The following ANKS1B variants were observed in gnomAD, a reference collection of about 807,000 sequenced individuals.
The protein encoded by ANKS1B is ankyrin repeat and sterile alpha motif domain containing 1B.
In ANKS1B, 36 loss-of-function variants were observed where a neutral mutation model predicts 148.3. The ratio of observed to expected loss-of-function variants is 0.24; its 90% CI spans 0.19 to 0.32. The LOEUF is 0.32. Ranked by LOEUF, ANKS1B falls within the 10% of genes least tolerant of loss-of-function variation. The probability of loss-of-function intolerance (pLI) is 1.00; values close to 1 mark genes in which losing one functional copy is unlikely to be tolerated. For missense variants in ANKS1B, 1,157 were observed against 1,542.6 expected, an observed-to-expected ratio of 0.75 and a Z score of 4.19; for synonymous variants, 542 against 560.8, an observed-to-expected ratio of 0.97 and a Z score of 0.47.
chr12:99,692,583 A>G (rs2053262687), intron 8 of ANKS1B, among the ~76,000 whole-genome samples: 1 of 150,880 alleles, frequency 6.6e-6, no homozygotes, highest in Non-Finnish European at 1.5e-5. Flanking sequence ...AAGCAGGAGA[A>G]TTGCTTAAAC....
intron 12 of ANKS1B, among the ~76,000 whole-genome samples, chr12:99,266,313 G>A (rs1207436074): frequency 1.3e-5 from 2 of 152,040 alleles, no homozygotes; most frequent in Admixed American, 6.6e-5. Flanking sequence ...GCTTTGTAAG[G>A]GTCTCTGATA....
chr12:99,367,552 T>C (rs1257707546), intron 12 of ANKS1B, among the ~76,000 whole-genome samples: 1 of 152,078 alleles, frequency 6.6e-6, no homozygotes, highest in Non-Finnish European at 1.5e-5. Flanking sequence ...GAGAGAGAGT[T>C]CCAGGAGAAC....
At chr12:99,085,142 T>C (rs1434727981) in intron 15 of ANKS1B, 119 bp from the exon 16 acceptor site, 2 of 801,724 alleles carry the variant, frequency 2.5e-6, no homozygotes, top group Middle Eastern at 3.2e-4. Flanking sequence ...AACAAAGACA[T>C]AGAGTCATTC....
At chr12:99,952,635 C>CT (rs1203699964) in intron 1 of ANKS1B, among the ~76,000 whole-genome samples, 2 of 152,274 alleles carry the variant, frequency 1.3e-5, no homozygotes, top group Admixed American at 1.3e-4. Flanking sequence ...TCTAAAGGCT[C>CT]TTGTACTTTC....
intron 12 of ANKS1B, among the ~76,000 whole-genome samples, chr12:99,335,977 C>T (rs565795238): frequency 7.2e-5 from 11 of 152,246 alleles, no homozygotes; most frequent in East Asian, 3.9e-4. Context: ...TACATTCCCA[C>T]GAACAGTGTA....
intron 8 of ANKS1B, among the ~76,000 whole-genome samples, chr12:99,702,258 T>C (rs565954877): frequency 2.6e-5 from 4 of 152,318 alleles, no homozygotes; most frequent in African/African-American, 9.6e-5. Context: ...GGATATCTCA[T>C]TGCGGATTTA....
intron 9 of ANKS1B, among the ~76,000 whole-genome samples, chr12:99,645,123 T>G (rs1220263213): frequency 2.6e-5 from 4 of 152,234 alleles, no homozygotes. Context: ...GGAATTATTC[T>G]GTAAACCACA....
intron 8 of ANKS1B, among the ~76,000 whole-genome samples, chr12:99,716,387 T>C (rs2057338476): frequency 6.6e-6 from 1 of 151,948 alleles, no homozygotes; most frequent in South Asian, 2.1e-4. Context: ...CTTCCCTCCA[T>C]GTCCCTACTC....
At chr12:99,823,109 A>G (rs372213747) in intron 2 of ANKS1B, among the ~76,000 whole-genome samples, 1 of 152,076 alleles carries the variant, frequency 6.6e-6, no homozygotes, top group Non-Finnish European at 1.5e-5. Context: ...GTGTCTGTTC[A>G]CGTCTTCTGA....
intron 22 of ANKS1B, among the ~76,000 whole-genome samples, chr12:98,797,967 A>G (rs1187368338): frequency 6.6e-6 from 1 of 152,234 alleles, no homozygotes; most frequent in African/African-American, 2.4e-5. Flanking sequence ...TTACTCAGAT[A>G]CCAGCATAGC....
At chr12:99,648,091 A>G in intron 9 of ANKS1B, 1 of 1,525,526 alleles carries the variant, frequency 6.6e-7, no homozygotes, top group Non-Finnish European at 8.8e-7. Context: ...CTGCCAGAGT[A>G]GCCAAGGAAA....
At chr12:98,907,140 T>C (rs73382419) in intron 17 of ANKS1B, among the ~76,000 whole-genome samples, 9,146 of 152,102 alleles carry the variant, frequency 0.06, 567 homozygotes, top group African/African-American at 0.15. Flanking sequence ...GCTATATTAT[T>C]AGGTCTCCTG....
chr12:98,902,213 C>G (rs937617540), intron 17 of ANKS1B, among the ~76,000 whole-genome samples: 1 of 152,230 alleles, frequency 6.6e-6, no homozygotes, highest in African/African-American at 2.4e-5. Context: ...AAGGCCCAAA[C>G]CACATACAGC....
chr12:99,736,711 A>T (rs2059647548), intron 8 of ANKS1B, among the ~76,000 whole-genome samples: 1 of 152,080 alleles, frequency 6.6e-6, no homozygotes, highest in South Asian at 2.1e-4. Context: ...ACATTAAACT[A>T]AAAAGCTTCT....
At chr12:99,466,075 T>G (rs969593099) in intron 10 of ANKS1B, among the ~76,000 whole-genome samples, 1 of 151,962 alleles carries the variant, frequency 6.6e-6, no homozygotes, top group Admixed American at 6.6e-5. Context: ...AAACAGAAAT[T>G]ATAACAAACT....
intron 17 of ANKS1B, among the ~76,000 whole-genome samples, chr12:98,834,489 T>G (rs974374395): frequency 6.6e-6 from 1 of 152,216 alleles, no homozygotes; most frequent in Non-Finnish European, 1.5e-5. Flanking sequence ...TTGTTATAGC[T>G]AATAGTTCAA....
intron 17 of ANKS1B, among the ~76,000 whole-genome samples, chr12:98,969,076 T>A (rs1182507710): frequency 6.6e-6 from 1 of 152,148 alleles, no homozygotes; most frequent in East Asian, 1.9e-4. Flanking sequence ...CCTGTCCTAG[T>A]GAATAAACCT....
Position 99,195,202 on chromosome 12 carries a change from T to C in ANKS1B, c.2420-40807A>G, listed in dbSNP as rs147308194. On this transcript the variant is annotated intron_variant, in intron 14 of 26. Transcript: ENST00000683438. ...ATCATGACCTATAGCTAGCTGAGAA[T>C]TTTAAATTTTACTGACTTTATTGAC... 2.6e-4 allele frequency among the ~76,000 whole-genome samples: 40 copies of C among 152,278 alleles called. No homozygotes were observed. The East Asian group carries it at 4.2e-3, about 16-fold the overall frequency.
At chr12:98,834,955 G>A (rs1206892361) in intron 17 of ANKS1B, among the ~76,000 whole-genome samples, 1 of 151,992 alleles carries the variant, frequency 6.6e-6, no homozygotes, top group Non-Finnish European at 1.5e-5. Context: ...CTTTGCCAAA[G>A]GCTTCTATTG....
Sources: allele counts gnomAD v4.1 joint callset (sites outside exome capture counted in the v4.1 genomes callset), GRCh38; gene constraint gnomAD v4.1.1; transcripts MANE v1.5; gene names NCBI Gene and HGNC (gene_info 2026-07-23, HGNC 2026-07-21).